TWSG1: variants seen among roughly 807,000 people sequenced by gnomAD.
The protein encoded by TWSG1 is twisted gastrulation protein homolog 1.
TWSG1 carries 15 observed loss-of-function variants against 23.0 expected under a neutral mutation model. The observed-to-expected ratio is 0.65, with a 90% CI of 0.44 to 1.00. The LOEUF is 1.00. TWSG1 is among the 50% of genes least tolerant of loss of function. The pLI, the probability that TWSG1 is intolerant of heterozygous loss-of-function variation, is 0.00. For synonymous variants in TWSG1, 86 were observed against 92.8 expected (o/e 0.93, Z 0.42); for missense variants, 242 against 278.7 (o/e 0.87, Z 0.94).
intron 3 of TWSG1, among the ~76,000 whole-genome samples, chr18:9,395,096 G>T (rs1470053064): frequency 6.6e-6 from 1 of 152,188 alleles, no homozygotes; most frequent in Non-Finnish European, 1.5e-5. Context: ...ATCTGAAGCA[G>T]TCCTTTAGTC....
chr18:9,369,699 CT>C (rs1217590324), intron 3 of TWSG1, among the ~76,000 whole-genome samples: 1 of 152,048 alleles, frequency 6.6e-6, no homozygotes. Context: ...ACCCAGCTTA[CT>C]TTTTAATTTT....
chr18:9,337,437 A>C, intron 2 of TWSG1, 85 bp downstream of exon 2: 14 of 1,454,682 alleles, frequency 9.6e-6, no homozygotes, highest in Non-Finnish European at 1.3e-5. Context: ...GAGTGCATAT[A>C]TCATATAGAG....
chr18:9,353,269 A>G (rs1408239711), intron 2 of TWSG1, among the ~76,000 whole-genome samples: 2 of 152,194 alleles, frequency 1.3e-5, no homozygotes, highest in Admixed American at 1.3e-4. Context: ...GCGTGACTGT[A>G]TATGGAATAA....
chr18:9,385,174 T>G (rs893690254), intron 3 of TWSG1, among the ~76,000 whole-genome samples: 3 of 152,164 alleles, frequency 2.0e-5, no homozygotes, highest in Non-Finnish European at 4.4e-5. Flanking sequence ...CCCTCCTCCA[T>G]TCGTCAGAAA....
At chr18:9,365,571 G>A (rs993008619) in intron 3 of TWSG1, among the ~76,000 whole-genome samples, 9 of 152,242 alleles carry the variant, frequency 5.9e-5, no homozygotes, top group East Asian at 5.8e-4. Context: ...GGGTGGGAGC[G>A]GGGGCTGTGG....
chr18:9,389,716 T>G (rs955722706), intron 3 of TWSG1, among the ~76,000 whole-genome samples: 4 of 152,334 alleles, frequency 2.6e-5, no homozygotes, highest in African/African-American at 9.6e-5. Flanking sequence ...AATTTATAAA[T>G]TTGGTTTAAC....
chr18:9,378,865 T>C (rs1178941693), intron 3 of TWSG1, among the ~76,000 whole-genome samples: 1 of 151,732 alleles, frequency 6.6e-6, no homozygotes, highest in Non-Finnish European at 1.5e-5. Flanking sequence ...CCTGTAGTCC[T>C]ACCTACTACA....
intron 2 of TWSG1, among the ~76,000 whole-genome samples, chr18:9,339,573 G>A (rs12457923): frequency 0.12 from 18,165 of 151,994 alleles, 1,257 homozygotes; most frequent in Middle Eastern, 0.26. Context: ...CTGCCACCTC[G>A]GCCTCCCAAG....
Position 9,362,673 on chromosome 18 carries a change from C to A in TWSG1, c.223+2602C>A, listed in dbSNP as rs140618921. 5.5e-3 allele frequency among the ~76,000 whole-genome samples: 834 copies of A among 152,276 alleles called. 9 individuals carry two copies. The highest frequency in any genetic ancestry group is 0.019 in the African/African-American group (800 of 41,560). ...ATATGTGTGTGTCTTAACCATCACA[C>A]CATGATGACAGTGCTGTTCAGCGTC... On this transcript the variant is annotated intron_variant, in intron 3 of 4. Transcript: ENST00000262120.
In TWSG1 at chr18:9,401,764, G is replaced by T. The variant is rs148504389; in HGVS notation, c.*2237G>T. ...TAAATATTCCAGAAGTTGATAGCCT[G>T]GTTAAAAGTTAGATCCTCTATTACC... On this transcript the variant is annotated 3_prime_UTR_variant, in exon 5 of 5. Coordinates refer to ENST00000262120, the MANE Select transcript of TWSG1 (RefSeq NM_020648.6). 1 of 152,090 alleles carries T rather than the reference G, an allele frequency of 6.6e-6. No homozygotes were observed. Among genetic ancestry groups the T allele is most frequent in the Admixed American group, 6.5e-5 (1 of 15,274 alleles). The allele number at this position is 152,090 out of a possible 1,614,324, so 9.4% of individuals were successfully genotyped here.
intron 3 of TWSG1, among the ~76,000 whole-genome samples, chr18:9,379,730 A>C (rs2040647776): frequency 6.6e-6 from 1 of 152,236 alleles, no homozygotes. Flanking sequence ...ATACAATTCC[A>C]TATAAAAGAA....
intron 3 of TWSG1, among the ~76,000 whole-genome samples, chr18:9,367,355 TC>T (rs759283674): frequency 9.2e-5 from 14 of 152,334 alleles, no homozygotes; most frequent in African/African-American, 2.9e-4. Flanking sequence ...ACCTCCCCTT[TC>T]CTCAGCTCCT....
chr18:9,354,377 T>C (rs2040515557), intron 2 of TWSG1, among the ~76,000 whole-genome samples: 1 of 152,188 alleles, frequency 6.6e-6, no homozygotes, highest in Non-Finnish European at 1.5e-5. Context: ...AGTCTTTATT[T>C]TGGACTTCAG....
intron 2 of TWSG1, among the ~76,000 whole-genome samples, chr18:9,355,116 C>T (rs1421591286): frequency 6.6e-6 from 1 of 152,076 alleles, no homozygotes; most frequent in East Asian, 1.9e-4. Context: ...CCACCATGCC[C>T]AGCTAATTTT....
intron 2 of TWSG1, 93 bp from the exon 3 acceptor site, chr18:9,359,878 TA>T: frequency 1.2e-6 from 1 of 863,972 alleles, no homozygotes; most frequent in Non-Finnish European, 1.8e-6. Context: ...TACATTACTG[TA>T]AATGCAAATA....
At chr18:9,344,521 GTA>G (rs1491163551) in intron 2 of TWSG1, among the ~76,000 whole-genome samples, 4 of 80,300 alleles carry the variant, frequency 5.0e-5, no homozygotes, top group African/African-American at 1.7e-4. Context: ...GTGTGTGTGT[GTA>G]TGTATGTATT....
At chr18:9,358,450 T>C (rs890575805) in intron 2 of TWSG1, among the ~76,000 whole-genome samples, 1 of 152,162 alleles carries the variant, frequency 6.6e-6, no homozygotes, top group African/African-American at 2.4e-5. Flanking sequence ...AGAAAGGTCA[T>C]ATAGTTCAAA....
intron 2 of TWSG1, among the ~76,000 whole-genome samples, chr18:9,344,103 A>C (rs2040462210): frequency 6.6e-6 from 1 of 152,114 alleles, no homozygotes. Flanking sequence ...ACAGGATCTT[A>C]TTATGTTGCC....
At chr18:9,396,165 AAAAAGGT>A in intron 3 of TWSG1, 108 bp from the exon 4 acceptor site, 2 of 874,528 alleles carry the variant, frequency 2.3e-6, no homozygotes, top group Non-Finnish European at 3.4e-6. Flanking sequence ...AAAAAAAAAA[AAAAAGGT>A]AGGAAAATAT....
Sources: allele counts gnomAD v4.1 joint callset (sites outside exome capture counted in the v4.1 genomes callset), GRCh38; gene constraint gnomAD v4.1.1; transcripts MANE v1.5; gene names NCBI Gene and HGNC (gene_info 2026-07-23, HGNC 2026-07-21).